TFAP2D: variants seen among roughly 807,000 people sequenced by gnomAD.
TFAP2D encodes transcription factor AP-2-delta.
A neutral mutation model predicts 43.6 loss-of-function variants in TFAP2D; 9 were observed. The observed-to-expected ratio is 0.21, with a 90% confidence interval of 0.12 to 0.36. The LOEUF is 0.36. Among genes scored for constraint, TFAP2D ranks in the 10% least tolerant of loss-of-function variants. TFAP2D has a pLI of 1.00. For missense variants in TFAP2D, 513 were observed against 561.4 expected (o/e 0.91, Z 0.87); for synonymous variants, 256 against 224.9 (o/e 1.14, Z -1.24).
chr6:50,722,878 G>T (rs1177285329), intron 3 of TFAP2D, among the ~76,000 whole-genome samples: 2 of 152,176 alleles, frequency 1.3e-5, no homozygotes, highest in Non-Finnish European at 2.9e-5. Flanking sequence ...CCCTTGTTTC[G>T]CTTTGTGATC....
At chr6:50,770,192 G>T (rs116662805) in intron 7 of TFAP2D, among the ~76,000 whole-genome samples, 1 of 152,146 alleles carries the variant, frequency 6.6e-6, no homozygotes, top group African/African-American at 2.4e-5. Flanking sequence ...TCCATTTGTT[G>T]TCCAAGATCC....
Position 50,772,909 on chromosome 6 carries a change from T to G in TFAP2D, c.*45T>G, listed in dbSNP as rs201597709. 1.3e-6 allele frequency: 2 copies of G among 1,526,680 alleles called. No homozygotes were observed. Among genetic ancestry groups the G allele is most frequent in the African/African-American group, 2.8e-5 (2 of 72,332 alleles). 94.6% of individuals were successfully genotyped at this position (1,526,680 alleles called of 1,614,324 possible). The stretch of plus-strand genomic sequence containing the variant: ...TTTCCAGAGAGTCTTGCTGCTGATA[T>G]TTTTTCTAATATATATATCATTGAG... On this transcript the variant is annotated 3_prime_UTR_variant, in exon 8 of 8. Coordinates refer to ENST00000008391, the MANE Select transcript of TFAP2D (RefSeq NM_172238.4).
chr6:50,714,001 C>T lies in TFAP2D; in HGVS notation c.-55C>T. On this transcript the variant is annotated 5_prime_UTR_variant, in exon 1 of 8. Transcript: ENST00000008391. ...TACAAGAAGTTTGGATTTTTTTTTCCCGATTCTTTTTTTGGAGGGGGAAAT... is the reference window on the plus strand; with the variant it reads ...TACAAGAAGTTTGGATTTTTTTTTCTCGATTCTTTTTTTGGAGGGGGAAAT... 3.1e-6 allele frequency: 5 copies of T among 1,604,218 alleles called. No individual in the cohort carries two copies. The highest frequency in any genetic ancestry group is 1.4e-5 in the African/African-American group (1 of 73,954).
chr6:50,718,381 T>C (rs187407169), intron 2 of TFAP2D, among the ~76,000 whole-genome samples: 1 of 152,278 alleles, frequency 6.6e-6, no homozygotes, highest in East Asian at 1.9e-4. Context: ...TCATGTCCAA[T>C]ACCTCGTTTG....
intron 5 of TFAP2D, among the ~76,000 whole-genome samples, chr6:50,734,945 C>A (rs1221219027): frequency 6.6e-6 from 1 of 152,050 alleles, no homozygotes. Flanking sequence ...GTACATGTAT[C>A]CTAATGTGTG....
chr6:50,719,032 C>T lies in TFAP2D; in HGVS notation c.538-58C>T, dbSNP rs982382619. 1.8e-5 allele frequency: 27 copies of T among 1,527,868 alleles called. No individual in the cohort carries two copies. In the Admixed American group the frequency reaches 2.1e-4, roughly 12 times the overall value. 94.6% of individuals were successfully genotyped at this position (1,527,868 alleles called of 1,614,324 possible). A position where few individuals can be genotyped will look rare whatever the true frequency, so the allele number is the denominator to read the frequency against. On this transcript the variant is annotated intron_variant, in intron 2 of 7. Transcript: ENST00000008391. ...GGGCTAGTCTAAAAGACTTTACCTA[C>T]GTGGTCATGCATATGAGTATCCATT...
At chr6:50,771,135 G>A (rs1002729093) in intron 7 of TFAP2D, among the ~76,000 whole-genome samples, 2 of 152,158 alleles carry the variant, frequency 1.3e-5, no homozygotes, top group Non-Finnish European at 2.9e-5. Flanking sequence ...CCTTATATTT[G>A]CTTATTAGTT....
intron 7 of TFAP2D, among the ~76,000 whole-genome samples, chr6:50,761,728 C>T (rs953623101): frequency 3.3e-5 from 5 of 152,054 alleles, no homozygotes; most frequent in African/African-American, 1.2e-4. Flanking sequence ...ATAATATGGA[C>T]ACAGCTTTGT....
intron 7 of TFAP2D, among the ~76,000 whole-genome samples, chr6:50,754,961 A>G (rs1769244940): frequency 6.6e-6 from 1 of 151,452 alleles, no homozygotes; most frequent in African/African-American, 2.4e-5. Context: ...TTAAATTTTG[A>G]TGTCGTTTAA....
At chr6:50,751,181 T>C in intron 6 of TFAP2D, 30 bp from the exon 7 acceptor site, 1 of 1,483,434 alleles carries the variant, frequency 6.7e-7, no homozygotes, top group Non-Finnish European at 9.3e-7. Context: ...TTTGAAAATT[T>C]CAATTTTAAA....
At chr6:50,757,348 T>A (rs1769287519) in intron 7 of TFAP2D, among the ~76,000 whole-genome samples, 1 of 139,006 alleles carries the variant, frequency 7.2e-6, no homozygotes, top group Non-Finnish European at 1.5e-5. Context: ...ATATAGAGAA[T>A]ATATGTAATT....
chr6:50,743,352 T>G (rs1411718642), intron 5 of TFAP2D, among the ~76,000 whole-genome samples: 2 of 147,188 alleles, frequency 1.4e-5, no homozygotes, highest in African/African-American at 5.0e-5. Flanking sequence ...AAAAAAATAG[T>G]ATATTTTGTT....
intron 5 of TFAP2D, among the ~76,000 whole-genome samples, chr6:50,744,460 C>G (rs770437571): frequency 6.6e-6 from 1 of 151,288 alleles, no homozygotes; most frequent in Non-Finnish European, 1.5e-5. Context: ...GTTTAGTGGA[C>G]AGGTAAGATT....
intron 5 of TFAP2D, among the ~76,000 whole-genome samples, chr6:50,740,404 C>G (rs1373545386): frequency 6.6e-6 from 1 of 151,416 alleles, no homozygotes; most frequent in Non-Finnish European, 1.5e-5. Context: ...TAAAAAATAC[C>G]ATAATTTTAA....
At chr6:50,758,330 T>C (rs1463548312) in intron 7 of TFAP2D, among the ~76,000 whole-genome samples, 2 of 151,966 alleles carry the variant, frequency 1.3e-5, no homozygotes, top group African/African-American at 4.8e-5. Flanking sequence ...CAAGTTATCA[T>C]CCATCTCAAG....
chr6:50,765,713 T>G (rs1333558342), intron 7 of TFAP2D, among the ~76,000 whole-genome samples: 1 of 144,478 alleles, frequency 6.9e-6, no homozygotes, highest in Admixed American at 6.9e-5. Context: ...AGGTTATTTG[T>G]TTTTTTTTTC....
chr6:50,737,734 A>T (rs1396651977), intron 5 of TFAP2D, among the ~76,000 whole-genome samples: 2 of 152,160 alleles, frequency 1.3e-5, no homozygotes, highest in East Asian at 1.9e-4. Flanking sequence ...TTCAGTGCTT[A>T]CAAGTTGTTT....
intron 7 of TFAP2D, among the ~76,000 whole-genome samples, chr6:50,760,907 G>C (rs561710039): frequency 6.6e-6 from 1 of 151,006 alleles, no homozygotes; most frequent in Non-Finnish European, 1.5e-5. Context: ...CTGTTCCCCA[G>C]ACTCCCTCTC....
chr6:50,715,684 T>C lies in TFAP2D; in HGVS notation c.537+71T>C. 2 of 1,498,300 alleles carry C rather than the reference T, an allele frequency of 1.3e-6. 1 individual carries two copies. The highest frequency in any genetic ancestry group is 2.6e-5 in the South Asian group (2 of 77,170). The allele number at this position is 1,498,300 out of a possible 1,614,324, so 92.8% of individuals were successfully genotyped here. ...CCTCCCCCTGCCGCCCCATTAATGC[T>C]CCGACTGTAAAGCGTCTCTCTTTCT... On this transcript the variant is annotated intron_variant, in intron 2 of 7. Transcript: ENST00000008391.
Sources: allele counts gnomAD v4.1 joint callset (sites outside exome capture counted in the v4.1 genomes callset), GRCh38; gene constraint gnomAD v4.1.1; transcripts MANE v1.5; gene names NCBI Gene and HGNC (gene_info 2026-07-23, HGNC 2026-07-21).